Variants in UMAD1 observed in about 807,000 individuals in gnomAD.
UMAD1 encodes the protein UBAP1-MVB12-associated (UMA) domain containing 1.
UMAD1 carries 8 observed loss-of-function variants against 6.1 expected under a neutral mutation model. The observed-to-expected ratio is 1.30, with a 90% CI of 0.76 to 2.35. The LOEUF (loss-of-function observed/expected upper bound fraction) is 2.35. UMAD1 is among the 30% of genes most tolerant of loss of function. UMAD1 has a pLI of 0.00. For synonymous variants in UMAD1, 56 were observed against 31.4 expected, an observed-to-expected ratio of 1.78 and a Z score of -2.61; for missense variants, 130 against 78.4, an observed-to-expected ratio of 1.66 and a Z score of -2.49.
At chr7:7,734,303 T>G (rs1210630736) in intron 2 of UMAD1, among the ~76,000 whole-genome samples, 1 of 152,142 alleles carries the variant, frequency 6.6e-6, no homozygotes, top group East Asian at 1.9e-4. Context: ...GACGTGAATC[T>G]TCTCTTAGTT....
chr7:7,759,352 G>A (rs1012497945), intron 2 of UMAD1, among the ~76,000 whole-genome samples: 1 of 152,144 alleles, frequency 6.6e-6, no homozygotes, highest in Non-Finnish European at 1.5e-5. Flanking sequence ...ATATTTTAAA[G>A]TATGTTGTCT....
At chr7:7,824,261 A>T (rs187188127) in intron 3 of UMAD1, among the ~76,000 whole-genome samples, 4 of 152,124 alleles carry the variant, frequency 2.6e-5, no homozygotes, top group African/African-American at 7.2e-5. Flanking sequence ...TTCAGTAACT[A>T]CTTATCAGAT....
At chr7:7,684,558 A>T (rs965807073) in intron 2 of UMAD1, among the ~76,000 whole-genome samples, 3 of 152,108 alleles carry the variant, frequency 2.0e-5, no homozygotes, top group Non-Finnish European at 2.9e-5. Context: ...TGTTGGTTGA[A>T]TCCACCCATG....
intron 1 of UMAD1, among the ~76,000 whole-genome samples, chr7:7,651,883 T>C (rs891634788): frequency 1.1e-4 from 17 of 152,214 alleles, no homozygotes; most frequent in African/African-American, 3.1e-4. Context: ...TCAGAGTTTT[T>C]CCTGTCTTGT....
chr7:7,717,256 C>T (rs1299032447), intron 2 of UMAD1, among the ~76,000 whole-genome samples: 1 of 151,966 alleles, frequency 6.6e-6, no homozygotes, highest in Non-Finnish European at 1.5e-5. Context: ...TGGGTTTCAC[C>T]ACGTTGGCCT....
chr7:7,768,032 ACTTTCCTAT>A (rs1168642608), intron 2 of UMAD1, among the ~76,000 whole-genome samples: 1 of 152,056 alleles, frequency 6.6e-6, no homozygotes, highest in Non-Finnish European at 1.5e-5. Flanking sequence ...CTTATTCATG[ACTTTCCTAT>A]CTTAGAAAGG....
intron 3 of UMAD1, among the ~76,000 whole-genome samples, chr7:7,832,094 G>A (rs537696137): frequency 3.9e-5 from 6 of 152,298 alleles, no homozygotes; most frequent in African/African-American, 1.4e-4. Context: ...TAAGCAATTT[G>A]TGCTAAGCAT....
At chr7:7,677,909 G>A (rs530695352) in intron 2 of UMAD1, among the ~76,000 whole-genome samples, 32 of 151,668 alleles carry the variant, frequency 2.1e-4, no homozygotes, top group African/African-American at 7.0e-4. Flanking sequence ...TCCTGACCTC[G>A]TGATCCGCCC....
intron 2 of UMAD1, among the ~76,000 whole-genome samples, chr7:7,779,440 C>CA (rs887052938): frequency 1.3e-4 from 19 of 151,714 alleles, no homozygotes; most frequent in African/African-American, 4.1e-4. Flanking sequence ...TAATTAACAA[C>CA]AAAAAAAGTT....
rs536996633 is a variant in UMAD1, at chr7:7,742,713, GTATT to G, written c.83-58951_83-58948del. The G allele has an allele frequency of 1.0e-4, 23 of 230,806 alleles. 1 individual carries two copies. In the South Asian group the frequency reaches 1.1e-3, roughly 11 times the overall value. The allele number at this position is 230,806 out of a possible 1,614,324, so 14.3% of individuals were successfully genotyped here. Reference sequence around the variant, plus strand: ...TGAATAATCAAACATTTGAAATTCTGTATTTATTTCTCTAAAATCAGCTTGATTG... The same window carrying G: ...TGAATAATCAAACATTTGAAATTCTGTATTTCTCTAAAATCAGCTTGATTG... On this transcript the variant is annotated intron_variant, in intron 2 of 3. Coordinates refer to ENST00000682710, the MANE Select transcript of UMAD1 (RefSeq NM_001302348.2).
intron 2 of UMAD1, among the ~76,000 whole-genome samples, chr7:7,723,799 C>T (rs551501387): frequency 6.6e-6 from 1 of 152,188 alleles, no homozygotes; most frequent in Non-Finnish European, 1.5e-5. Flanking sequence ...CTGTAATGGA[C>T]AGCAGAGGCA....
intron 2 of UMAD1, among the ~76,000 whole-genome samples, chr7:7,773,213 A>G (rs992224273): frequency 6.6e-6 from 1 of 152,248 alleles, no homozygotes; most frequent in African/African-American, 2.4e-5. Context: ...ACCTACTTTT[A>G]TAATAAAGTT....
intron 2 of UMAD1, among the ~76,000 whole-genome samples, chr7:7,763,925 G>C (rs1028157476): frequency 4.6e-5 from 7 of 152,158 alleles, no homozygotes; most frequent in African/African-American, 4.8e-5. Context: ...ATGTCAACTA[G>C]TTTTAGAAAT....
chr7:7,810,031 AAAG>A (rs1782992606), intron 3 of UMAD1, among the ~76,000 whole-genome samples: 1 of 152,050 alleles, frequency 6.6e-6, no homozygotes, highest in Admixed American at 6.6e-5. Context: ...AGTATAGAAA[AAAG>A]GAGACTGGAG....
chr7:7,746,552 T>A (rs1490246957), intron 2 of UMAD1, among the ~76,000 whole-genome samples: 2 of 152,238 alleles, frequency 1.3e-5, no homozygotes, highest in Non-Finnish European at 2.9e-5. Flanking sequence ...TTGCCTTAGC[T>A]ACTGGCCTAA....
At chr7:7,660,186 A>G (rs1785439057) in intron 1 of UMAD1, among the ~76,000 whole-genome samples, 1 of 152,152 alleles carries the variant, frequency 6.6e-6, no homozygotes, top group South Asian at 2.1e-4. Flanking sequence ...TTTTGAGCCT[A>G]TGTGTGTCTT....
chr7:7,656,314 AT>A (rs869099532), intron 1 of UMAD1, among the ~76,000 whole-genome samples: 2 of 150,876 alleles, frequency 1.3e-5, no homozygotes, highest in Admixed American at 6.6e-5. Flanking sequence ...ATTTAAAAAA[AT>A]TTTTTTTTTG....
chr7:7,809,240 C>T (rs1782979415), intron 3 of UMAD1, among the ~76,000 whole-genome samples: 1 of 151,932 alleles, frequency 6.6e-6, no homozygotes, highest in South Asian at 2.1e-4. Flanking sequence ...AAACACACTT[C>T]TCAATTTAGT....
chr7:7,867,253 A>G (rs746149272), intron 3 of UMAD1, among the ~76,000 whole-genome samples: 5 of 152,216 alleles, frequency 3.3e-5, no homozygotes, highest in Non-Finnish European at 7.3e-5. Context: ...TGGATCAGGA[A>G]CTCTAGAGAG....
Sources: gnomAD v4.1 joint callset for allele counts (sites outside exome capture counted in the v4.1 genomes callset) on GRCh38, gnomAD v4.1.1 for gene constraint, MANE v1.5 for transcripts, NCBI Gene and HGNC (gene_info 2026-07-23, HGNC 2026-07-21) for gene names.